Variants in TNIK observed in about 807,000 individuals in gnomAD.
The protein encoded by TNIK is TRAF2 and NCK interacting kinase, also known as TRAF2 and NCK-interacting protein kinase.
A neutral mutation model predicts 191.3 loss-of-function variants in TNIK; 49 were observed. The ratio of observed to expected loss-of-function variants is 0.26; its 90% CI spans 0.20 to 0.32. The LOEUF (loss-of-function observed/expected upper bound fraction) is 0.32, where lower values mean the gene tolerates loss of function less well. Among genes scored for constraint, TNIK ranks in the 10% least tolerant of loss-of-function variants. The probability of loss-of-function intolerance (pLI) is 1.00; values close to 1 mark genes in which losing one functional copy is unlikely to be tolerated. For missense variants in TNIK, 1,155 were observed against 1,702.3 expected (o/e 0.68, Z 5.66); for synonymous variants, 594 against 600.9 (o/e 0.99, Z 0.17).
intron 21 of TNIK, chr3:171,102,064 T>C (rs538279796): frequency 7.7e-5 from 12 of 156,296 alleles, no homozygotes; most frequent in Admixed American, 5.9e-4. Context: ...TTATGATTGC[T>C]GCTGTACTGA....
chr3:171,154,088 A>G (rs1732833223), intron 12 of TNIK, among the ~76,000 whole-genome samples: 1 of 151,978 alleles, frequency 6.6e-6, no homozygotes, highest in South Asian at 2.1e-4. Flanking sequence ...ATGCTTAAAA[A>G]CCTCATGCTT....
At chr3:171,299,062 C>T (rs1305161946) in intron 2 of TNIK, among the ~76,000 whole-genome samples, 1 of 152,128 alleles carries the variant, frequency 6.6e-6, no homozygotes, top group Non-Finnish European at 1.5e-5. Flanking sequence ...GACAAGCAGC[C>T]TTGTGGGGAG....
chr3:171,082,461 C>T, intron 26 of TNIK, 67 bp from the exon 27 acceptor site: 1 of 1,540,404 alleles, frequency 6.5e-7, no homozygotes, highest in Non-Finnish European at 8.7e-7. Context: ...TCGAGAGTCC[C>T]TATAAAATTT....
intron 2 of TNIK, among the ~76,000 whole-genome samples, chr3:171,329,415 A>G (rs1756166654): frequency 6.6e-6 from 1 of 152,204 alleles, no homozygotes; most frequent in Non-Finnish European, 1.5e-5. Flanking sequence ...GGGCCTCCAG[A>G]TAGAGAAATG....
At chr3:171,380,185 T>G (rs563513775) in intron 1 of TNIK, among the ~76,000 whole-genome samples, 1 of 152,242 alleles carries the variant, frequency 6.6e-6, no homozygotes, top group South Asian at 2.1e-4. Context: ...AAATGTATCA[T>G]ACAGTTTACA....
chr3:171,434,444 C>CTTAT (rs72027292), intron 1 of TNIK, among the ~76,000 whole-genome samples: 100 of 149,240 alleles, frequency 6.7e-4, no homozygotes, highest in East Asian at 1.4e-3. Context: ...CTCTTTTTTA[C>CTTAT]TTATTTATTT....
Position 171,101,465 on chromosome 3 carries a change from C to T in TNIK, c.2575G>A (p.Asp859Asn), listed in dbSNP as rs367912923. The change falls in exon 22 of 33, where the codon GAC becomes AAC. Residue 859 changes from aspartate to asparagine, a missense_variant. By Grantham distance (23) the Asp-to-Asn change is conservative. Around this residue, in one of 3 missense-constraint regions of TNIK, gnomAD observed 735 missense variants for 848.0 expected, o/e 0.87. Transcript: ENST00000436636. ...ETHDGTVAVS[D>N]IPRLIPTGAP... Reference sequence around the variant, plus strand: ...TTCTCTTACATCAGTCTGGGTATGTCGCTGACAGCCACTGTCCCATCATGG... The same window carrying T: ...TTCTCTTACATCAGTCTGGGTATGTTGCTGACAGCCACTGTCCCATCATGG... 79 of 1,611,494 alleles carry T rather than the reference C, an allele frequency of 4.9e-5. No individual in the cohort carries two copies. The highest frequency in any genetic ancestry group is 8.4e-5 in the Admixed American group (5 of 59,408).
chr3:171,281,568 T>C (rs1750427657), intron 2 of TNIK, among the ~76,000 whole-genome samples: 1 of 151,834 alleles, frequency 6.6e-6, no homozygotes, highest in African/African-American at 2.4e-5. Context: ...ACACTGTACA[T>C]ACAGTGCTTA....
At chr3:171,232,665 G>C (rs2173912) in intron 2 of TNIK, among the ~76,000 whole-genome samples, 2 of 152,112 alleles carry the variant, frequency 1.3e-5, no homozygotes, top group African/African-American at 4.8e-5. Context: ...AACAAGAAAG[G>C]CATCAAAACA....
chr3:171,417,331 ATACTC>A (rs1723215633), intron 1 of TNIK, among the ~76,000 whole-genome samples: 8 of 152,140 alleles, frequency 5.3e-5, no homozygotes. Context: ...GCTGTTTTGA[ATACTC>A]TTATCTATCT....
At chr3:171,149,911 T>A (rs9810370) in intron 12 of TNIK, among the ~76,000 whole-genome samples, 80,314 of 152,096 alleles carry the variant, frequency 0.53, 23,524 homozygotes, top group Non-Finnish European at 0.63. Context: ...CACCTGTGGT[T>A]AATGATTAAG....
At chr3:171,076,485 T>C (rs1719953209) in intron 28 of TNIK, among the ~76,000 whole-genome samples, 1 of 152,220 alleles carries the variant, frequency 6.6e-6, no homozygotes, top group Admixed American at 6.5e-5. Context: ...ATGTGTCTCA[T>C]ACTTTTCTGA....
chr3:171,266,054 G>A (rs1748358605), intron 2 of TNIK, among the ~76,000 whole-genome samples: 1 of 152,134 alleles, frequency 6.6e-6, no homozygotes, highest in South Asian at 2.1e-4. Flanking sequence ...TGTAAATGCG[G>A]CACGGGCCCA....
At chr3:171,239,887 T>C (rs1414126841) in intron 2 of TNIK, among the ~76,000 whole-genome samples, 3 of 151,568 alleles carry the variant, frequency 2.0e-5, no homozygotes. Context: ...ATCAGGACAA[T>C]AATGCTGAGA....
Position 171,167,833 on chromosome 3 carries a change from T to C in TNIK, c.774-563A>G, listed in dbSNP as rs117799410. On this transcript the variant is annotated intron_variant, in intron 9 of 32. Transcript: ENST00000436636. Reference sequence around the variant, plus strand: ...CATTTCGTAGAAATGAGCAAGATTTTTATATGATGAAGTGAACTTTGATTA... The same window carrying C: ...CATTTCGTAGAAATGAGCAAGATTTCTATATGATGAAGTGAACTTTGATTA... Among the ~76,000 whole-genome samples the C allele has an allele frequency of 2.0e-5, 3 of 152,320 alleles. No individual in the cohort carries two copies. The East Asian group carries it at 5.8e-4, about 29-fold the overall frequency.
intron 1 of TNIK, among the ~76,000 whole-genome samples, chr3:171,437,661 A>G (rs1726195350): frequency 1.3e-5 from 2 of 152,220 alleles, no homozygotes; most frequent in Admixed American, 6.5e-5. Context: ...GGGAGGTGAG[A>G]GTAAATCTGC....
chr3:171,418,258 G>A (rs564848473), intron 1 of TNIK, among the ~76,000 whole-genome samples: 103 of 152,210 alleles, frequency 6.8e-4, no homozygotes, highest in African/African-American at 2.3e-3. Flanking sequence ...CTACCTCTAC[G>A]TATTTTGAGT....
chr3:171,435,341 G>A (rs188506597), intron 1 of TNIK, among the ~76,000 whole-genome samples: 9 of 152,232 alleles, frequency 5.9e-5, no homozygotes, highest in Admixed American at 2.6e-4. Context: ...CCCCCATGCT[G>A]GGGAAGTGGA....
chr3:171,107,150 G>A (rs2108487462), intron 21 of TNIK, 33 bp downstream of exon 21: 3 of 1,597,540 alleles, frequency 1.9e-6, no homozygotes, highest in Non-Finnish European at 2.6e-6. Context: ...TTTACATTTT[G>A]TGAAAGCATG....
Sources: allele counts gnomAD v4.1 joint callset (sites outside exome capture counted in the v4.1 genomes callset), GRCh38; gene constraint gnomAD v4.1.1; regional missense constraint gnomAD v4.1.1; transcripts MANE v1.5; gene names NCBI Gene and HGNC (gene_info 2026-07-23, HGNC 2026-07-21).